The following CDH19 variants were observed in gnomAD, a reference collection of about 807,000 sequenced individuals.
CDH19 encodes the protein cadherin 19, also known as cadherin-19.
CDH19 carries 67 observed loss-of-function variants against 64.2 expected under a neutral mutation model. The observed-to-expected ratio is 1.04, with a 90% CI of 0.86 to 1.28. The LOEUF (loss-of-function observed/expected upper bound fraction) is 1.28, where lower values mean the gene tolerates loss of function less well. Ranked by LOEUF, CDH19 falls within the 50% of genes most tolerant of loss-of-function variation. The probability of loss-of-function intolerance (pLI) is 0.00; values close to 1 mark genes in which losing one functional copy is unlikely to be tolerated. For synonymous variants in CDH19, 346 were observed against 319.3 expected, an observed-to-expected ratio of 1.08 and a Z score of -0.89; for missense variants, 1,030 against 929.0, an observed-to-expected ratio of 1.11 and a Z score of -1.41.
intron 9 of CDH19, among the ~76,000 whole-genome samples, chr18:66,528,833 C>A (rs1413042200): frequency 2.0e-5 from 3 of 151,792 alleles, no homozygotes; most frequent in Non-Finnish European, 2.9e-5. Context: ...TCCAAATGGT[C>A]CCTGACTAGC....
chr18:66,536,163 G>A (rs76011909), intron 7 of CDH19, among the ~76,000 whole-genome samples: 2,538 of 151,556 alleles, frequency 0.017, 62 homozygotes, highest in African/African-American at 0.057. Flanking sequence ...TTCAATAATG[G>A]CTTCTCATTG....
chr18:66,518,225 C>G (rs1985822464), intron 9 of CDH19, among the ~76,000 whole-genome samples: 1 of 151,574 alleles, frequency 6.6e-6, no homozygotes, highest in South Asian at 2.1e-4. Context: ...TATTCTTATT[C>G]ATTACTTATT....
At chr18:66,545,730 ATAG>A (rs1568190285) in intron 5 of CDH19, among the ~76,000 whole-genome samples, 1 of 152,148 alleles carries the variant, frequency 6.6e-6, no homozygotes, top group Non-Finnish European at 1.5e-5. Context: ...CTGCATGCAA[ATAG>A]TAGAGTTCCA....
intron 3 of CDH19, among the ~76,000 whole-genome samples, chr18:66,560,696 C>A (rs889957510): frequency 6.6e-6 from 1 of 151,836 alleles, no homozygotes; most frequent in Non-Finnish European, 1.5e-5. Flanking sequence ...CTCTTCCCAG[C>A]CTGGATTGGT....
At chr18:66,586,187 C>T (rs1988572911) in intron 1 of CDH19, among the ~76,000 whole-genome samples, 4 of 152,016 alleles carry the variant, frequency 2.6e-5, no homozygotes, top group Admixed American at 2.6e-4. Context: ...AATATAATGT[C>T]TCCATTTTTA....
intron 1 of CDH19, among the ~76,000 whole-genome samples, chr18:66,601,788 T>A (rs997351534): frequency 6.6e-5 from 10 of 151,530 alleles, no homozygotes; most frequent in African/African-American, 2.4e-4. Flanking sequence ...CATTTAGCTG[T>A]GTTCTCTCAA....
At chr18:66,517,730 A>G (rs1985798912) in intron 9 of CDH19, among the ~76,000 whole-genome samples, 1 of 152,088 alleles carries the variant, frequency 6.6e-6, no homozygotes, top group African/African-American at 2.4e-5. Context: ...GGAAATGAGA[A>G]AAGAATCATC....
At chr18:66,557,690 T>TG (rs1346633183) in intron 3 of CDH19, among the ~76,000 whole-genome samples, 2 of 151,994 alleles carry the variant, frequency 1.3e-5, no homozygotes, top group African/African-American at 4.8e-5. Flanking sequence ...GGACTATCAA[T>TG]GAGTATTAAG....
At chr18:66,511,488 A>G (rs1177934986) in intron 10 of CDH19, 80 bp downstream of exon 10, 1 of 665,744 alleles carries the variant, frequency 1.5e-6, no homozygotes, top group Non-Finnish European at 2.7e-6. Flanking sequence ...ACAGTATAAA[A>G]ATCCATGCCA....
At chr18:66,555,985 A>G (rs1987504140) in intron 3 of CDH19, among the ~76,000 whole-genome samples, 1 of 151,728 alleles carries the variant, frequency 6.6e-6, no homozygotes, top group Non-Finnish European at 1.5e-5. Context: ...AATTTTAGTA[A>G]TATCAGTCTT....
chr18:66,568,432 T>G lies in CDH19; in HGVS notation c.474A>C (p.Pro158=), dbSNP rs1277175741. 6 of 1,611,016 alleles carry G rather than the reference T, an allele frequency of 3.7e-6. No homozygotes were observed. Among genetic ancestry groups the G allele is most frequent in the Non-Finnish European group, 5.1e-6 (6 of 1,178,052 alleles). ...ATGCAATACCTTCTGGAGACATCTC[T>G]GGTACAATGGCCTCATAAGGTTCAT... ...FLDEPYEAIV[P]EMSPEGTLVI... Residue 158 remains proline, a synonymous_variant, in exon 3 of 12, where the codon CCA becomes CCC. Coordinates refer to ENST00000262150, the MANE Select transcript of CDH19 (RefSeq NM_021153.4).
chr18:66,601,815 G>A (rs1202410217), intron 1 of CDH19, among the ~76,000 whole-genome samples: 5 of 131,498 alleles, frequency 3.8e-5, no homozygotes, highest in Non-Finnish European at 9.2e-5. Flanking sequence ...GGTGGTGAGA[G>A]TGGGTAAAAA....
chr18:66,551,984 G>A (rs879481133), intron 4 of CDH19, among the ~76,000 whole-genome samples: 10 of 151,806 alleles, frequency 6.6e-5, no homozygotes, highest in Middle Eastern at 3.4e-3. Flanking sequence ...ATATATCAAG[G>A]GCAAAATATT....
At chr18:66,532,886 C>G (rs930380151) in intron 8 of CDH19, among the ~76,000 whole-genome samples, 4 of 152,102 alleles carry the variant, frequency 2.6e-5, no homozygotes, top group African/African-American at 9.7e-5. Context: ...TTCTATGTGA[C>G]AAATAGTGCT....
intron 7 of CDH19, among the ~76,000 whole-genome samples, chr18:66,541,239 A>G (rs1162031211): frequency 6.6e-6 from 1 of 152,126 alleles, no homozygotes; most frequent in African/African-American, 2.4e-5. Context: ...TAGTAGGAAA[A>G]ACTAATATGA....
At chr18:66,574,853 A>G (rs1988220034) in intron 1 of CDH19, among the ~76,000 whole-genome samples, 1 of 151,842 alleles carries the variant, frequency 6.6e-6, no homozygotes, top group South Asian at 2.1e-4. Flanking sequence ...CAAACAATGC[A>G]TGCCAAATGA....
At chr18:66,544,669 T>A (rs1027975806) in intron 6 of CDH19, 50 bp downstream of exon 6, 8 of 1,241,718 alleles carry the variant, frequency 6.4e-6, no homozygotes, top group Non-Finnish European at 8.9e-6. Context: ...AAATATGTTA[T>A]GTTTTAATTT....
intron 9 of CDH19, among the ~76,000 whole-genome samples, chr18:66,529,332 A>T (rs1326712618): frequency 2.0e-5 from 3 of 151,466 alleles, no homozygotes; most frequent in African/African-American, 7.3e-5. Context: ...TGATGAATAA[A>T]AAAAAAAAAA....
intron 1 of CDH19, among the ~76,000 whole-genome samples, chr18:66,590,031 C>A (rs909042563): frequency 6.6e-6 from 1 of 151,758 alleles, no homozygotes; most frequent in Non-Finnish European, 1.5e-5. Context: ...GTGGAGAATA[C>A]CTCAATCTTT....
Sources: gnomAD v4.1 joint callset for allele counts (sites outside exome capture counted in the v4.1 genomes callset) on GRCh38, gnomAD v4.1.1 for gene constraint, MANE v1.5 for transcripts, NCBI Gene and HGNC (gene_info 2026-07-23, HGNC 2026-07-21) for gene names.